The following CHD2 variants were observed in gnomAD, a reference collection of about 807,000 sequenced individuals.
CHD2 encodes ATP-dependent chromatin remodeler CHD2.
In CHD2, 28 loss-of-function variants were observed where a neutral mutation model predicts 243.9. The ratio of observed to expected loss-of-function variants is 0.11; its 90% confidence interval spans 0.09 to 0.16. CHD2 has a LOEUF of 0.16. CHD2 is among the 10% of genes least tolerant of loss of function. The pLI, the probability that CHD2 is intolerant of heterozygous loss-of-function variation, is 1.00. For missense variants in CHD2, 1,386 were observed against 2,209.8 expected (o/e 0.63, Z 7.47); for synonymous variants, 775 against 779.0 (o/e 0.99, Z 0.09).
At chr15:92,948,481 T>C (rs1224660732) in intron 12 of CHD2, among the ~76,000 whole-genome samples, 4 of 152,180 alleles carry the variant, frequency 2.6e-5, no homozygotes, top group Admixed American at 6.5e-5. Flanking sequence ...CTCTGGCTTA[T>C]GGAATATTAA....
intron 27 of CHD2, 71 bp downstream of exon 27, chr15:92,991,588 A>G (rs1239706691): frequency 2.7e-6 from 3 of 1,130,500 alleles, no homozygotes; most frequent in Non-Finnish European, 3.8e-6. Context: ...CTTTTTTGGT[A>G]AATTTTTCCA....
intron 2 of CHD2, among the ~76,000 whole-genome samples, chr15:92,913,462 G>A (rs2141720713): frequency 6.6e-6 from 1 of 152,234 alleles, no homozygotes; most frequent in African/African-American, 2.4e-5. Context: ...GGGTGTTACT[G>A]GCCTCTAGTG....
At chr15:92,921,225 A>G (rs1394188488) in intron 2 of CHD2, among the ~76,000 whole-genome samples, 1 of 151,996 alleles carries the variant, frequency 6.6e-6, no homozygotes, top group African/African-American at 2.4e-5. Context: ...AGAGGTATTT[A>G]ATTTGCTGTG....
At position 92,939,725 on chromosome 15, in the gene CHD2, TG is replaced by T; in HGVS notation, c.692+8del. 6.2e-7 allele frequency: 1 copy of T among 1,612,680 alleles called. No homozygotes were observed. The highest frequency in any genetic ancestry group is 8.5e-7 in the Non-Finnish European group (1 of 1,179,776). On this transcript the variant is annotated splice_region_variant and intron_variant, in intron 7 of 38. Transcript: ENST00000394196. The stretch of plus-strand genomic sequence containing the variant: ...GAGCGGCTAAAAACGTTAGGTAAGT[TG>T]TACCCCAGAAGTGTTTCACTGGTGT...
Position 92,998,271 on chromosome 15 carries a change from A to C in CHD2, c.3886-228A>C. On this transcript the variant is annotated intron_variant, in intron 30 of 38. Transcript: ENST00000394196. This position sits in a 1 kb window ranked among gnomAD's most constrained non-coding sequence, Gnocchi z 5.1. ...CCTGTTAACAGCACAGGTAGGAGCC[A>C]TTGGGAGAGCTGGATTTCTCCATCC... 1 of 1,282,858 alleles carries C rather than the reference A, an allele frequency of 7.8e-7. No individual in the cohort carries two copies. Among genetic ancestry groups the C allele is most frequent in the Non-Finnish European group, 1.0e-6 (1 of 1,003,630 alleles). The allele number at this position is 1,282,858 out of a possible 1,614,324, so 79.5% of individuals were successfully genotyped here. A position where few individuals can be genotyped will look rare whatever the true frequency, so the allele number is the denominator to read the frequency against.
intron 5 of CHD2, among the ~76,000 whole-genome samples, chr15:92,935,058 CAG>C (rs1293598734): frequency 1.5e-5 from 2 of 136,882 alleles, no homozygotes; most frequent in Non-Finnish European, 1.6e-5. Context: ...TTTTTGAGAA[CAG>C]AGTCTCGCTT....
chr15:92,953,546 C>T lies in CHD2; in HGVS notation c.1692C>T (p.Tyr564=). The part of the protein sequence containing the change: ...IWAPEINVVV[Y]IGDLMSRNTI... ...CACCAGAGATTAACGTAGTGGTTTA[C>T]ATAGGTGACCTGATGAGCAGAAATA... Residue 564 remains tyrosine, a synonymous_variant, in exon 14 of 39, where the codon TAC becomes TAT. Transcript: ENST00000394196. 1 of 1,614,098 alleles carries T rather than the reference C, an allele frequency of 6.2e-7. No individual in the cohort carries two copies. The highest frequency in any genetic ancestry group is 8.5e-7 in the Non-Finnish European group (1 of 1,180,000).
intron 17 of CHD2, 137 bp downstream of exon 17, chr15:92,967,650 C>T (rs145171204): frequency 5.7e-5 from 30 of 521,942 alleles, no homozygotes; most frequent in African/African-American, 2.4e-4. Context: ...CTCAGCCTAC[C>T]GAGTAGCTGG....
chr15:92,933,897 T>C (rs777833140), intron 5 of CHD2, among the ~76,000 whole-genome samples: 8 of 152,356 alleles, frequency 5.3e-5, no homozygotes, highest in Admixed American at 2.6e-4. Flanking sequence ...TGAGCCACTG[T>C]GCCCGGCCCT....
At chr15:93,000,306 G>T (rs1447989136) in intron 31 of CHD2, among the ~76,000 whole-genome samples, 1 of 152,120 alleles carries the variant, frequency 6.6e-6, no homozygotes, top group African/African-American at 2.4e-5. Flanking sequence ...TTTTAATGTG[G>T]TATAGGCCAT....
At position 93,025,850 on chromosome 15, in the gene CHD2, ACACATCATGT is replaced by A. The variant is rs1235431800; in HGVS notation, c.*1146_*1155del. The A allele has an allele frequency of 6.7e-6, 1 of 150,046 alleles. No individual in the cohort carries two copies. The highest frequency in any genetic ancestry group is 1.5e-5 in the Non-Finnish European group (1 of 66,912). The allele number at this position is 150,046 out of a possible 1,614,324, so 9.3% of individuals were successfully genotyped here. Reference sequence around the variant, plus strand: ...TTGAAGAAATAGAGTAGACAGAATCACACATCATGTGGTGGGCAGATGGAAATAAGTACCT... The same window carrying A: ...TTGAAGAAATAGAGTAGACAGAATCAGGTGGGCAGATGGAAATAAGTACCT... On this transcript the variant is annotated 3_prime_UTR_variant, in exon 39 of 39. Transcript: ENST00000394196.
At chr15:92,993,247 G>T in intron 28 of CHD2, 1 of 395,506 alleles carries the variant, frequency 2.5e-6, no homozygotes, top group Non-Finnish European at 4.7e-6. Flanking sequence ...TGTTGCTGTA[G>T]AAAGTTTAAA....
At chr15:92,929,854 A>G (rs1403531294) in intron 5 of CHD2, among the ~76,000 whole-genome samples, 1 of 152,082 alleles carries the variant, frequency 6.6e-6, no homozygotes, top group East Asian at 1.9e-4. Flanking sequence ...GTTGTAAAAT[A>G]TTATTACTCT....
intron 24 of CHD2, among the ~76,000 whole-genome samples, chr15:92,982,583 A>G (rs1018149946): frequency 6.6e-6 from 1 of 152,216 alleles, no homozygotes; most frequent in African/African-American, 2.4e-5. Context: ...GGAAGGAAGG[A>G]TTGACCATGG....
chr15:93,020,686 C>A (rs1205400982), intron 38 of CHD2: 1 of 251,482 alleles, frequency 4.0e-6, no homozygotes. Flanking sequence ...CAGTACAATG[C>A]CACCAGTAGT....
chr15:92,930,811 C>T (rs1038454516), intron 5 of CHD2, among the ~76,000 whole-genome samples: 14 of 152,114 alleles, frequency 9.2e-5, no homozygotes, highest in South Asian at 2.1e-4. Context: ...CTCTTAGTTC[C>T]TTGCAGAGTG....
At chr15:92,982,743 G>A (rs1159046637) in intron 24 of CHD2, among the ~76,000 whole-genome samples, 1 of 152,136 alleles carries the variant, frequency 6.6e-6, no homozygotes, top group African/African-American at 2.4e-5. Flanking sequence ...TCCAAAGCTG[G>A]CCACTGGTAG....
At position 92,996,859 on chromosome 15, in the gene CHD2, T is replaced by C. The variant is rs11630582; in HGVS notation, c.3596-98T>C. On this transcript the variant is annotated intron_variant, in intron 28 of 38. Transcript: ENST00000394196. Reference sequence around the variant, plus strand: ...TCAAAATAACAATAAGCCAGAGATATATTCAGAGAGACTAAGAGGTCAGGG... The same window carrying C: ...TCAAAATAACAATAAGCCAGAGATACATTCAGAGAGACTAAGAGGTCAGGG... 303,738 of 1,169,918 alleles carry C rather than the reference T, an allele frequency of 0.26. 41,812 individuals carry two copies. Among genetic ancestry groups the C allele is most frequent in the Middle Eastern group, 0.36 (1,822 of 5,018 alleles). The allele number at this position is 1,169,918 out of a possible 1,614,324, so 72.5% of individuals were successfully genotyped here.
intron 2 of CHD2, among the ~76,000 whole-genome samples, chr15:92,919,306 G>C (rs1208094497): frequency 6.9e-6 from 1 of 145,288 alleles, no homozygotes; most frequent in Admixed American, 6.9e-5. Flanking sequence ...CTTTGTTAAG[G>C]CTTTTTTTTT....
Sources: allele counts gnomAD v4.1 joint callset (sites outside exome capture counted in the v4.1 genomes callset), GRCh38; gene constraint gnomAD v4.1.1; non-coding constraint Gnocchi (gnomAD v3.1); transcripts MANE v1.5; gene names NCBI Gene and HGNC (gene_info 2026-07-23, HGNC 2026-07-21).